HFM1: variants seen among roughly 807,000 people sequenced by gnomAD.
HFM1 encodes probable ATP-dependent DNA helicase HFM1.
In HFM1, 169 loss-of-function variants were observed where a neutral mutation model predicts 192.1. The observed-to-expected ratio is 0.88, with a 90% confidence interval of 0.78 to 1.00. The LOEUF is 1.00. HFM1 is among the 50% of genes least tolerant of loss of function. The pLI, the probability that HFM1 is intolerant of heterozygous loss-of-function variation, is 0.00. For missense variants in HFM1, 1,661 were observed against 1,668.0 expected (o/e 1.00, Z 0.07); for synonymous variants, 525 against 537.8 (o/e 0.98, Z 0.33).
chr1:91,329,059 T>A (rs1653387058), intron 20 of HFM1: 2 of 1,610,888 alleles, frequency 1.2e-6, no homozygotes, highest in East Asian at 4.5e-5. Flanking sequence ...GATCTGTGCA[T>A]CCTGCTAGGC....
At chr1:91,291,472 G>A (rs1668745045) in intron 30 of HFM1, among the ~76,000 whole-genome samples, 1 of 152,084 alleles carries the variant, frequency 6.6e-6, no homozygotes, top group South Asian at 2.1e-4. Flanking sequence ...TACATTCCTC[G>A]ACACATACAC....
chr1:91,393,837 T>G (rs1663301396), intron 4 of HFM1, among the ~76,000 whole-genome samples: 1 of 152,078 alleles, frequency 6.6e-6, no homozygotes, highest in South Asian at 2.1e-4. Flanking sequence ...AGAAAATTTG[T>G]TAAAAATGAA....
At chr1:91,278,269 T>A (rs1222592594) in intron 30 of HFM1, among the ~76,000 whole-genome samples, 1 of 152,012 alleles carries the variant, frequency 6.6e-6, no homozygotes, top group Non-Finnish European at 1.5e-5. Context: ...CTCCTCTAAG[T>A]TAGAATTAAT....
At chr1:91,295,947 T>C (rs916843416) in intron 30 of HFM1, among the ~76,000 whole-genome samples, 6 of 152,190 alleles carry the variant, frequency 3.9e-5, no homozygotes. Flanking sequence ...TTCTTTTTTT[T>C]TGAGACGGAG....
chr1:91,394,103 A>G lies in HFM1; in HGVS notation c.484T>C (p.Phe162Leu), dbSNP rs1663338623. 6 of 1,533,284 alleles carry G rather than the reference A, an allele frequency of 3.9e-6. No individual in the cohort carries two copies. Among genetic ancestry groups the G allele is most frequent in the African/African-American group, 2.7e-5 (2 of 72,820 alleles). The allele number at this position is 1,533,284 out of a possible 1,614,324, so 95.0% of individuals were successfully genotyped here. ...AATTATAATAATTACCTTTTCCGGAATACTGATGTGCTCTCTCCTTTATCT... is the reference window on the plus strand; with the variant it reads ...AATTATAATAATTACCTTTTCCGGAGTACTGATGTGCTCTCTCCTTTATCT... ...AEDKGESTSV[F>L]RKRLFKISDN... The change falls in exon 4 of 39, where the codon TTC becomes CTC. Residue 162 changes from phenylalanine (F) to leucine (L), a missense_variant. Physicochemically the swap from Phe to Leu is conservative, Grantham distance 22. Coordinates refer to ENST00000370425, the MANE Select transcript of HFM1 (RefSeq NM_001017975.6).
chr1:91,290,627 C>A (rs1013810089), intron 30 of HFM1, among the ~76,000 whole-genome samples: 5 of 152,154 alleles, frequency 3.3e-5, no homozygotes, highest in Non-Finnish European at 5.9e-5. Flanking sequence ...CCACTGTCAA[C>A]ATTACACAGA....
chr1:91,358,074 C>T (rs1451765948), intron 13 of HFM1, among the ~76,000 whole-genome samples: 1 of 152,038 alleles, frequency 6.6e-6, no homozygotes, highest in Non-Finnish European at 1.5e-5. Flanking sequence ...GCATCCTTCA[C>T]AGAAATAGAA....
Position 91,370,156 on chromosome 1 carries a change from G to T in HFM1, c.1685+5202C>A, listed in dbSNP as rs1217054175. Among the ~76,000 whole-genome samples the T allele has an allele frequency of 2.6e-5, 4 of 152,276 alleles. No homozygotes were observed. The East Asian group carries it at 7.7e-4, about 29-fold the overall frequency. ...ATGGATTCACAGCCGAATTCTACCA[G>T]AGGTACAAGGAGGAGTTGTTACCAT... On this transcript the variant is annotated intron_variant, in intron 13 of 38. Coordinates refer to ENST00000370425, the MANE Select transcript of HFM1 (RefSeq NM_001017975.6).
chr1:91,280,450 T>C (rs1024607440), intron 30 of HFM1, among the ~76,000 whole-genome samples: 3 of 152,234 alleles, frequency 2.0e-5, no homozygotes. Flanking sequence ...ACCATGGCAA[T>C]TGCATATCTC....
chr1:91,372,802 T>C (rs1237264755), intron 13 of HFM1, among the ~76,000 whole-genome samples: 1 of 152,156 alleles, frequency 6.6e-6, no homozygotes, highest in Non-Finnish European at 1.5e-5. Context: ...ATTAATCATT[T>C]TTTGATGGTA....
rs1662104696 is a variant in HFM1, at chr1:91,385,634, C to T, written c.695G>A (p.Gly232Glu). 11 of 1,612,998 alleles carry T rather than the reference C, an allele frequency of 6.8e-6. No individual in the cohort carries two copies. The East Asian group carries it at 2.5e-4, about 36-fold the overall frequency. The part of the protein sequence containing the change: ...ANNAFSASEI[G>E]EGMFKAPSFS... ...AGATGGTGCTTTGAACATGCCTTCTCCGATTTCAGAAGCAGAAAAAGCATT... is the reference window on the plus strand; with the variant it reads ...AGATGGTGCTTTGAACATGCCTTCTTCGATTTCAGAAGCAGAAAAAGCATT... The change falls in exon 5 of 39, where the codon GGA (glycine) becomes GAA (glutamate). Residue 232 changes from glycine (G) to glutamate (E), a missense_variant. By Grantham distance (98) the Gly-to-Glu change is moderately conservative. Coordinates refer to ENST00000370425, the MANE Select transcript of HFM1 (RefSeq NM_001017975.6).
intron 1 of HFM1, among the ~76,000 whole-genome samples, chr1:91,403,453 C>T (rs1664516015): frequency 1.3e-5 from 2 of 152,044 alleles, no homozygotes; most frequent in African/African-American, 4.8e-5. Context: ...GAATTTGGCA[C>T]TTTCATTATG....
chr1:91,373,160 A>C (rs200468851), intron 13 of HFM1, among the ~76,000 whole-genome samples: 1 of 144,376 alleles, frequency 6.9e-6, no homozygotes, highest in South Asian at 2.3e-4. Context: ...AAAAAAAACA[A>C]AGAATGTAAA....
At chr1:91,266,199 T>C (rs75935068) in intron 35 of HFM1, 92 bp from the exon 36 acceptor site, 83,592 of 939,454 alleles carry the variant, frequency 0.089, 4,052 homozygotes, top group East Asian at 0.15. Flanking sequence ...CCAACAGATA[T>C]GATCTGATTA....
intron 30 of HFM1, among the ~76,000 whole-genome samples, chr1:91,310,714 T>C (rs1650322404): frequency 6.6e-6 from 1 of 152,128 alleles, no homozygotes; most frequent in African/African-American, 2.4e-5. Context: ...ATCTGATGGG[T>C]TTATCAAGGG....
intron 6 of HFM1, among the ~76,000 whole-genome samples, chr1:91,382,850 T>G (rs1052828102): frequency 6.6e-6 from 1 of 152,172 alleles, no homozygotes; most frequent in Non-Finnish European, 1.5e-5. Context: ...TTTCCTTACA[T>G]TCAATAAACT....
intron 13 of HFM1, among the ~76,000 whole-genome samples, chr1:91,354,109 G>A (rs537145078): frequency 2.0e-5 from 3 of 151,558 alleles, no homozygotes; most frequent in Non-Finnish European, 4.4e-5. Flanking sequence ...AATGAAATCA[G>A]GAAAACAATT....
At chr1:91,318,628 CCTA>C (rs1651606869) in intron 25 of HFM1, among the ~76,000 whole-genome samples, 1 of 151,784 alleles carries the variant, frequency 6.6e-6, no homozygotes, top group South Asian at 2.1e-4. Context: ...GTATTAATAC[CCTA>C]CTGTTATTGA....
intron 18 of HFM1, among the ~76,000 whole-genome samples, chr1:91,349,135 AAAAATT>A (rs555165672): frequency 3.9e-5 from 6 of 152,038 alleles, no homozygotes; most frequent in Admixed American, 1.3e-4. Context: ...TAAAAATAGA[AAAAATT>A]AGCCAGGTGT....
Sources: gnomAD v4.1 joint callset for allele counts (sites outside exome capture counted in the v4.1 genomes callset) on GRCh38, gnomAD v4.1.1 for gene constraint, MANE v1.5 for transcripts, NCBI Gene and HGNC (gene_info 2026-07-23, HGNC 2026-07-21) for gene names.